Variants in FAM81B observed in about 807,000 individuals in gnomAD.
FAM81B encodes the protein protein FAM81B.
FAM81B carries 60 observed loss-of-function variants against 58.7 expected under a neutral mutation model. That is an observed-to-expected ratio of 1.02 (90% CI 0.83 to 1.27). FAM81B has a LOEUF of 1.27. Among genes scored for constraint, FAM81B ranks in the 50% most tolerant of loss-of-function variants. FAM81B has a pLI of 0.00. For missense variants in FAM81B, 491 were observed against 522.0 expected (o/e 0.94, Z 0.58); for synonymous variants, 189 against 179.6 (o/e 1.05, Z -0.42).
At chr5:95,431,163 T>C (rs1446159355) in intron 6 of FAM81B, among the ~76,000 whole-genome samples, 1 of 152,050 alleles carries the variant, frequency 6.6e-6, no homozygotes, top group East Asian at 1.9e-4. Flanking sequence ...CATGCACAAA[T>C]AGTTCTCTAG....
chr5:95,393,290 T>A (rs1221217064), intron 2 of FAM81B, among the ~76,000 whole-genome samples: 1 of 152,212 alleles, frequency 6.6e-6, no homozygotes, highest in Non-Finnish European at 1.5e-5. Context: ...GAACATTTTT[T>A]AAAGCAGTGT....
intron 3 of FAM81B, among the ~76,000 whole-genome samples, chr5:95,408,075 T>TGA (rs10567707): frequency 0.025 from 3,257 of 130,270 alleles, 74 homozygotes; most frequent in Middle Eastern, 0.037. Flanking sequence ...TCCCCCAAAA[T>TGA]GAGAGAGAGA....
chr5:95,450,103 C>A, intron 9 of FAM81B, 46 bp from the exon 10 acceptor site: 1 of 1,540,800 alleles, frequency 6.5e-7, no homozygotes, highest in Non-Finnish European at 8.7e-7. Context: ...TAAAAAAAAG[C>A]TCTAATGCAT....
At chr5:95,425,259 ACC>A (rs1762793371) in intron 5 of FAM81B, among the ~76,000 whole-genome samples, 1 of 152,074 alleles carries the variant, frequency 6.6e-6, no homozygotes, top group African/African-American at 2.4e-5. Context: ...AAAAACTGTG[ACC>A]ATGGAAAAAA....
In FAM81B at chr5:95,414,054, G is replaced by A. The variant is rs779661319; in HGVS notation, c.401G>A (p.Arg134His). 4.6e-5 allele frequency: 74 copies of A among 1,613,906 alleles called. No individual in the cohort carries two copies. The highest frequency in any genetic ancestry group is 1.8e-4 in the South Asian group (16 of 91,070). Residue 134 changes from arginine to histidine, a missense_variant, in exon 4 of 10, where the codon CGC becomes CAC. Coordinates refer to ENST00000283357, the MANE Select transcript of FAM81B (RefSeq NM_152548.3). The stretch of plus-strand genomic sequence containing the variant: ...GCTTTCCTTCTTGAACAAGCCTTCC[G>A]CATCAAGGAGGACATCTCTGCTTGC... ...TIAFLLEQAF[R>H]IKEDISACLQ...
At chr5:95,442,288 G>A (rs1745390261) in intron 7 of FAM81B, among the ~76,000 whole-genome samples, 1 of 152,180 alleles carries the variant, frequency 6.6e-6, no homozygotes, top group African/African-American at 2.4e-5. Context: ...CACAGGAAAA[G>A]TAAAAGTTAA....
At position 95,448,265 on chromosome 5, in the gene FAM81B, A is replaced by G. The variant is rs1157113085; in HGVS notation, c.1030-4A>G. The G allele has an allele frequency of 6.3e-7, 1 of 1,596,158 alleles. No homozygotes were observed. The highest frequency in any genetic ancestry group is 1.8e-5 in the Admixed American group (1 of 55,482). ...GAAGTTTTATCCCATAATCTCTTTT[A>G]CAGGAAAAGTCTGAAAATAAAATGG... On this transcript the variant is annotated splice_region_variant and splice_polypyrimidine_tract_variant and intron_variant, in intron 8 of 9. Coordinates refer to ENST00000283357, the MANE Select transcript of FAM81B (RefSeq NM_152548.3).
At chr5:95,426,637 C>T (rs1046240302) in intron 5 of FAM81B, among the ~76,000 whole-genome samples, 1 of 152,190 alleles carries the variant, frequency 6.6e-6, no homozygotes, top group Non-Finnish European at 1.5e-5. Flanking sequence ...TTGTCAATCA[C>T]GTGTTTCTGG....
intron 7 of FAM81B, among the ~76,000 whole-genome samples, chr5:95,442,543 G>A (rs1745403442): frequency 6.6e-6 from 1 of 152,164 alleles, no homozygotes; most frequent in Non-Finnish European, 1.5e-5. Context: ...AATTCATGAT[G>A]TTTCCATCTC....
chr5:95,409,205 C>G (rs1046426362), intron 3 of FAM81B, among the ~76,000 whole-genome samples: 4 of 152,164 alleles, frequency 2.6e-5, no homozygotes, highest in African/African-American at 7.2e-5. Context: ...GTCGCCCAGG[C>G]TGGAGTGTGG....
chr5:95,436,760 G>C (rs1314074393), intron 6 of FAM81B, 40 bp from the exon 7 acceptor site: 1 of 1,302,020 alleles, frequency 7.7e-7, no homozygotes, highest in Non-Finnish European at 1.1e-6. Context: ...AATGCTGGTG[G>C]TTTTGTTCAT....
intron 4 of FAM81B, among the ~76,000 whole-genome samples, chr5:95,416,896 T>C (rs1378948666): frequency 1.3e-5 from 2 of 151,820 alleles, no homozygotes; most frequent in Non-Finnish European, 2.9e-5. Context: ...AATAAATAAT[T>C]AGCTGGGTAG....
At chr5:95,427,408 C>G (rs1762875939) in intron 5 of FAM81B, among the ~76,000 whole-genome samples, 1 of 152,104 alleles carries the variant, frequency 6.6e-6, no homozygotes, top group African/African-American at 2.4e-5. Flanking sequence ...AGACTAATTC[C>G]TAATTTTTTC....
chr5:95,396,398 C>G (rs752977908), intron 3 of FAM81B, among the ~76,000 whole-genome samples: 1 of 152,176 alleles, frequency 6.6e-6, no homozygotes, highest in South Asian at 2.1e-4. Flanking sequence ...ATTTAACTAC[C>G]TTTTCTTTAA....
At chr5:95,392,646 G>A in intron 1 of FAM81B, 148 bp from the exon 2 acceptor site, 1 of 649,354 alleles carries the variant, frequency 1.5e-6, no homozygotes, top group Non-Finnish European at 2.7e-6. Flanking sequence ...GGATAAGTGA[G>A]GAGAGGGGAA....
intron 5 of FAM81B, among the ~76,000 whole-genome samples, chr5:95,426,710 C>A (rs961045516): frequency 2.5e-4 from 38 of 152,278 alleles, no homozygotes; most frequent in African/African-American, 8.9e-4. Flanking sequence ...GGCATCATTT[C>A]CCCTTTTTTT....
chr5:95,439,260 A>ATATATATATATATATATATATATG (rs1745227043), intron 7 of FAM81B, among the ~76,000 whole-genome samples: 1 of 144,438 alleles, frequency 6.9e-6, no homozygotes, highest in Non-Finnish European at 1.5e-5. Flanking sequence ...ATATATATAT[A>ATATATATATATATATATATATATG]TATATGTATA....
intron 5 of FAM81B, among the ~76,000 whole-genome samples, chr5:95,426,686 T>C (rs1762839730): frequency 6.6e-6 from 1 of 152,188 alleles, no homozygotes; most frequent in Admixed American, 6.5e-5. Flanking sequence ...TGTACAACTG[T>C]ATGCAGTGAC....
At chr5:95,399,486 C>T (rs1187147348) in intron 3 of FAM81B, among the ~76,000 whole-genome samples, 1 of 151,860 alleles carries the variant, frequency 6.6e-6, no homozygotes, top group Non-Finnish European at 1.5e-5. Context: ...TCATGCCCCC[C>T]CCCACCCACC....
Sources: allele counts gnomAD v4.1 joint callset (sites outside exome capture counted in the v4.1 genomes callset), GRCh38; gene constraint gnomAD v4.1.1; transcripts MANE v1.5; gene names NCBI Gene and HGNC (gene_info 2026-07-23, HGNC 2026-07-21).